The following WWOX variants were observed in gnomAD, a reference collection of about 807,000 sequenced individuals.
WWOX encodes WW domain containing oxidoreductase.
A neutral mutation model predicts 46.2 loss-of-function variants in WWOX; 69 were observed. The observed-to-expected ratio is 1.49, with a 90% CI of 1.23 to 1.82. The LOEUF (loss-of-function observed/expected upper bound fraction) is 1.82, where lower values mean the gene tolerates loss of function less well. Ranked by LOEUF, WWOX falls within the 40% of genes most tolerant of loss-of-function variation. The pLI, the probability that WWOX is intolerant of heterozygous loss-of-function variation, is 0.00. For missense variants in WWOX, 919 were observed against 542.6 expected, an observed-to-expected ratio of 1.69 and a Z score of -6.89; for synonymous variants, 359 against 202.6, an observed-to-expected ratio of 1.77 and a Z score of -6.56.
chr16:78,192,744 A>T (rs1042169008), intron 5 of WWOX, among the ~76,000 whole-genome samples: 2 of 152,088 alleles, frequency 1.3e-5, no homozygotes, highest in African/African-American at 2.4e-5. Flanking sequence ...ATCTTTTTTT[A>T]AAAAAGTTTT....
intron 4 of WWOX, among the ~76,000 whole-genome samples, chr16:78,126,911 A>G (rs2033386204): frequency 6.6e-6 from 1 of 152,204 alleles, no homozygotes; most frequent in African/African-American, 2.4e-5. Context: ...TAATGACAGT[A>G]ACAGCGCTTC....
chr16:79,110,590 C>T (rs2049398156), intron 8 of WWOX: 1 of 152,198 alleles, frequency 6.6e-6, no homozygotes, highest in African/African-American at 2.4e-5. Flanking sequence ...CAGTCATTTC[C>T]CTCCACCTCC....
chr16:79,043,788 G>C (rs1184045416), intron 8 of WWOX, among the ~76,000 whole-genome samples: 1 of 152,306 alleles, frequency 6.6e-6, no homozygotes, highest in East Asian at 1.9e-4. Flanking sequence ...CTGGTCCTCA[G>C]TTTTGATCTC....
At chr16:79,207,604 T>C (rs1039515052) in intron 8 of WWOX, among the ~76,000 whole-genome samples, 8 of 152,346 alleles carry the variant, frequency 5.3e-5, no homozygotes, top group South Asian at 4.1e-4. Context: ...TGCCATGATA[T>C]TGTGTCTATT....
intron 8 of WWOX, among the ~76,000 whole-genome samples, chr16:78,773,724 T>G (rs187710294): frequency 6.6e-6 from 1 of 152,170 alleles, no homozygotes; most frequent in Non-Finnish European, 1.5e-5. Flanking sequence ...TAACCCAAAA[T>G]GAGGAGTCCC....
chr16:78,569,467 G>T (rs1220366276), intron 8 of WWOX, among the ~76,000 whole-genome samples: 2 of 152,256 alleles, frequency 1.3e-5, no homozygotes, highest in African/African-American at 2.4e-5. Flanking sequence ...GGAGAAAAGG[G>T]GGAAAAAGTT....
intron 8 of WWOX, among the ~76,000 whole-genome samples, chr16:78,487,110 C>T (rs769197682): frequency 1.4e-4 from 22 of 152,134 alleles, no homozygotes; most frequent in Non-Finnish European, 1.9e-4. Flanking sequence ...GAAGCTATAA[C>T]GAGATGATTC....
rs537453146 is a variant in WWOX at position 78,181,196 on chromosome 16, A to C, written c.516+16907A>C. On this transcript the variant is annotated intron_variant, in intron 5 of 8. Coordinates refer to ENST00000566780, the MANE Select transcript of WWOX (RefSeq NM_016373.4). The stretch of plus-strand genomic sequence containing the variant: ...ACACGGAGGAGGGACAGAAAGACAG[A>C]GAGAGACAGAAGGAGAGAGAGAGAG... 2.6e-5 allele frequency among the ~76,000 whole-genome samples: 4 copies of C among 152,092 alleles called. No individual in the cohort carries two copies. The South Asian group carries it at 8.3e-4, about 32-fold the overall frequency.
chr16:79,002,922 G>T (rs1054070806), intron 8 of WWOX, among the ~76,000 whole-genome samples: 2 of 152,180 alleles, frequency 1.3e-5, no homozygotes, highest in African/African-American at 4.8e-5. Context: ...ATGCAGAAAT[G>T]CATTAGAGCT....
At chr16:78,282,150 A>G (rs1295405947) in intron 5 of WWOX, among the ~76,000 whole-genome samples, 1 of 152,178 alleles carries the variant, frequency 6.6e-6, no homozygotes, top group Non-Finnish European at 1.5e-5. Context: ...GCTGGAGATA[A>G]TTCTCTGCTT....
intron 8 of WWOX, chr16:78,550,765 C>T (rs923818641): frequency 8.6e-5 from 13 of 151,964 alleles, no homozygotes; most frequent in African/African-American, 2.9e-4. Flanking sequence ...AGATGATACG[C>T]TTTTCCATCC....
At chr16:78,274,155 T>A (rs996844762) in intron 5 of WWOX, among the ~76,000 whole-genome samples, 5 of 152,090 alleles carry the variant, frequency 3.3e-5, no homozygotes, top group Non-Finnish European at 5.9e-5. Context: ...AAACACTGCT[T>A]GCTTTTTGTT....
intron 8 of WWOX, among the ~76,000 whole-genome samples, chr16:78,913,393 T>A (rs2045162092): frequency 6.6e-6 from 1 of 151,942 alleles, no homozygotes; most frequent in Non-Finnish European, 1.5e-5. Context: ...AGACGAGACG[T>A]TGGCCCCTTC....
intron 5 of WWOX, among the ~76,000 whole-genome samples, chr16:78,367,412 CA>C (rs1248638057): frequency 4.5e-5 from 1 of 22,392 alleles, no homozygotes; most frequent in Non-Finnish European, 9.9e-5. Flanking sequence ...TATTTTTTGC[CA>C]TTTTTTTTTC....
intron 5 of WWOX, among the ~76,000 whole-genome samples, chr16:78,197,410 A>C (rs897184090): frequency 6.6e-6 from 1 of 152,208 alleles, no homozygotes; most frequent in African/African-American, 2.4e-5. Context: ...GATTTTTCAG[A>C]ATTCAGCTAA....
chr16:78,616,760 C>A (rs766693244), intron 8 of WWOX, among the ~76,000 whole-genome samples: 1 of 151,766 alleles, frequency 6.6e-6, no homozygotes, highest in Non-Finnish European at 1.5e-5. Flanking sequence ...AGGGAGGAGA[C>A]TCCATCAACA....
At chr16:79,116,420 A>C (rs527780191) in intron 8 of WWOX, among the ~76,000 whole-genome samples, 82 of 152,328 alleles carry the variant, frequency 5.4e-4, no homozygotes, top group Middle Eastern at 6.8e-3. Context: ...GAATATTCTA[A>C]ATCCTCTGTT....
At chr16:78,946,693 CTG>C (rs1046802209) in intron 8 of WWOX, among the ~76,000 whole-genome samples, 16 of 152,188 alleles carry the variant, frequency 1.1e-4, no homozygotes, top group Admixed American at 6.5e-4. Flanking sequence ...GCCTGGAAAA[CTG>C]TGTGGTGCGT....
At chr16:78,261,803 T>G (rs1450321449) in intron 5 of WWOX, among the ~76,000 whole-genome samples, 3 of 145,174 alleles carry the variant, frequency 2.1e-5, no homozygotes, top group East Asian at 2.0e-4. Context: ...TATATATATA[T>G]ATATATATAT....
Sources: gnomAD v4.1 joint callset for allele counts (sites outside exome capture counted in the v4.1 genomes callset) on GRCh38, gnomAD v4.1.1 for gene constraint, MANE v1.5 for transcripts, NCBI Gene and HGNC (gene_info 2026-07-23, HGNC 2026-07-21) for gene names.